Variants in HEATR5A observed in about 807,000 individuals in gnomAD.
The protein encoded by HEATR5A is HEAT repeat containing 5A, also known as HEAT repeat-containing protein 5A.
HEATR5A carries 178 observed loss-of-function variants against 218.8 expected under a neutral mutation model. The ratio of observed to expected loss-of-function variants is 0.81; its 90% CI spans 0.72 to 0.92. The LOEUF is 0.92. HEATR5A is among the 40% of genes least tolerant of loss of function. The pLI, the probability that HEATR5A is intolerant of heterozygous loss-of-function variation, is 0.00. For synonymous variants in HEATR5A, 864 were observed against 871.6 expected (o/e 0.99, Z 0.15); for missense variants, 2,420 against 2,418.9 (o/e 1.00, Z -0.01).
At chr14:31,417,286 G>A (rs2031482756) in intron 1 of HEATR5A, among the ~76,000 whole-genome samples, 1 of 152,144 alleles carries the variant, frequency 6.6e-6, no homozygotes, top group South Asian at 2.1e-4. Flanking sequence ...GTTGGCCGGG[G>A]CGGTGGCTCA....
At chr14:31,383,423 C>A in intron 10 of HEATR5A, 98 bp downstream of exon 10, 1 of 1,195,886 alleles carries the variant, frequency 8.4e-7, no homozygotes, top group Non-Finnish European at 1.2e-6. Context: ...GCTAGATGTA[C>A]AGCAAAATAA....
At chr14:31,365,469 T>C (rs1901767600) in intron 13 of HEATR5A, among the ~76,000 whole-genome samples, 1 of 152,102 alleles carries the variant, frequency 6.6e-6, no homozygotes, top group Admixed American at 6.5e-5. Context: ...CAAGTCATTT[T>C]CCTGCCTCAG....
intron 11 of HEATR5A, among the ~76,000 whole-genome samples, chr14:31,377,479 T>G (rs533676017): frequency 2.6e-5 from 4 of 152,034 alleles, no homozygotes; most frequent in African/African-American, 4.8e-5. Flanking sequence ...CTCTAAAAAT[T>G]GATAATAGCC....
chr14:31,312,054 G>C (rs1199998879), intron 28 of HEATR5A, among the ~76,000 whole-genome samples: 1 of 152,134 alleles, frequency 6.6e-6, no homozygotes. Flanking sequence ...GGTAACCAAA[G>C]GAACAGATGT....
chr14:31,380,950 T>G (rs927985948), intron 10 of HEATR5A, among the ~76,000 whole-genome samples: 2 of 152,168 alleles, frequency 1.3e-5, no homozygotes, highest in Admixed American at 6.6e-5. Context: ...AGTCTCTCTC[T>G]TAAAAATGCT....
rs755843937 is a variant in HEATR5A, at chr14:31,306,846, G to C, written c.4852C>G (p.Arg1618Gly). 1 of 1,612,938 alleles carries C rather than the reference G, an allele frequency of 6.2e-7. No homozygotes were observed. Among genetic ancestry groups the C allele is most frequent in the Non-Finnish European group, 8.5e-7 (1 of 1,179,228 alleles). ...LGIELLNVLH[R>G]VILTRESPSI... ...GGTGATTCTCTGGTTAAAATTACTC[G>C]ATGTAGAACATTCAGCAATTCTATA... The change falls in exon 31 of 36, where the codon CGA becomes GGA. Residue 1618 changes from arginine to glycine, a missense_variant. Coordinates refer to ENST00000543095, the MANE Select transcript of HEATR5A (RefSeq NM_015473.4).
chr14:31,334,391 G>C (rs1259761646), intron 22 of HEATR5A: 1 of 455,884 alleles, frequency 2.2e-6, no homozygotes, highest in South Asian at 1.6e-5. Flanking sequence ...AAACCTTCTG[G>C]AAAGGATTAT....
Position 31,321,594 on chromosome 14 carries a change from C to A in HEATR5A, c.3874G>T (p.Gly1292Cys), listed in dbSNP as rs1425366849. The A allele has an allele frequency of 2.5e-6, 4 of 1,608,998 alleles. No individual in the cohort carries two copies. The highest frequency in any genetic ancestry group is 2.7e-5 in the African/African-American group (2 of 74,736). ...TDHSDQLRLS[G>C]LEMLLVVIRR... is the part of the protein sequence containing the mutation. The stretch of plus-strand genomic sequence containing the variant: ...ATAACAACTAACAGCATTTCAAGGC[C>A]AGAAAGACGGAGCTGGTCACTGTGA... Residue 1292 changes from glycine (G) to cysteine (C), a missense_variant, in exon 25 of 36, where the codon GGC (glycine) becomes TGC (cysteine). Physicochemically the swap from Gly to Cys is radical, Grantham distance 159 (BLOSUM62 -3). Transcript: ENST00000543095.
At chr14:31,349,760 T>G in intron 18 of HEATR5A, 29 bp downstream of exon 18, 1 of 1,512,974 alleles carries the variant, frequency 6.6e-7, no homozygotes, top group South Asian at 1.1e-5. Context: ...AAACATAGCC[T>G]CTGAATATTA....
chr14:31,302,938 CAAAAAAA>C (rs747481722), intron 32 of HEATR5A, among the ~76,000 whole-genome samples: 8 of 102,206 alleles, frequency 7.8e-5, no homozygotes, highest in East Asian at 3.2e-4. Flanking sequence ...TTCATCTTTA[CAAAAAAA>C]AAAAAAAAAA....
At chr14:31,317,294 ATTTTTTTTTTTTT>A (rs35394095) in intron 26 of HEATR5A, among the ~76,000 whole-genome samples, 6 of 64,122 alleles carry the variant, frequency 9.4e-5, no homozygotes, top group South Asian at 1.1e-3. Flanking sequence ...CCCGGGCTAG[ATTTTTTTTTTTTT>A]TTTTTTTTTT....
chr14:31,367,332 T>G (rs1901839142), intron 13 of HEATR5A, among the ~76,000 whole-genome samples: 1 of 152,142 alleles, frequency 6.6e-6, no homozygotes, highest in Non-Finnish European at 1.5e-5. Flanking sequence ...TCAGAGGTAT[T>G]ATAAAACTAT....
intron 10 of HEATR5A, among the ~76,000 whole-genome samples, chr14:31,382,438 G>T (rs773051070): frequency 5.3e-5 from 8 of 152,136 alleles, no homozygotes; most frequent in Non-Finnish European, 1.2e-4. Flanking sequence ...AGGAATAATG[G>T]TGTATTTTTT....
intron 13 of HEATR5A, 92 bp downstream of exon 13, chr14:31,371,718 T>C: frequency 2.1e-6 from 1 of 480,118 alleles, no homozygotes; most frequent in Non-Finnish European, 3.6e-6. Flanking sequence ...CATAAAATCA[T>C]TCACCAACTA....
chr14:31,324,368 GTTACAC>G (rs1225682916), intron 23 of HEATR5A, among the ~76,000 whole-genome samples: 3 of 152,282 alleles, frequency 2.0e-5, no homozygotes, highest in Admixed American at 6.5e-5. Flanking sequence ...CTTATTAACT[GTTACAC>G]TTACAAACTG....
intron 6 of HEATR5A, among the ~76,000 whole-genome samples, chr14:31,390,442 GGTTA>G (rs1482899458): frequency 9.2e-5 from 14 of 152,102 alleles, no homozygotes; most frequent in African/African-American, 3.4e-4. Flanking sequence ...GGATCAAGGT[GGTTA>G]AAGTGAAGTG....
chr14:31,302,342 T>C lies in HEATR5A; in HGVS notation c.5417A>G (p.Asp1806Gly), dbSNP rs1452328705. The C allele has an allele frequency of 3.7e-6, 6 of 1,604,240 alleles. No individual in the cohort carries two copies. Among genetic ancestry groups the C allele is most frequent in the Non-Finnish European group, 5.1e-6 (6 of 1,175,370 alleles). The change falls in exon 33 of 36, where the codon GAC becomes GGC. Residue 1806 changes from aspartate (D) to glycine (G), a missense_variant. By Grantham distance (94) the Asp-to-Gly change is moderately conservative. Coordinates refer to ENST00000543095, the MANE Select transcript of HEATR5A (RefSeq NM_015473.4). The stretch of plus-strand genomic sequence containing the variant: ...TGTTGTTAAGGCACTTCGGAGAAGG[T>C]CAGTCCAAGCAGTACGGCTCTTTTC... ...RAEKSRTAWT[D>G]LLRSALTTIL...
intron 35 of HEATR5A, 39 bp from the exon 36 acceptor site, chr14:31,293,651 A>C (rs763534858): frequency 6.5e-7 from 1 of 1,530,548 alleles, no homozygotes; most frequent in South Asian, 1.3e-5. Context: ...AGTGACATAA[A>C]TGTTTCTAAC....
intron 10 of HEATR5A, 118 bp downstream of exon 10, chr14:31,383,403 A>T: frequency 2.2e-6 from 2 of 913,478 alleles, no homozygotes; most frequent in Non-Finnish European, 3.3e-6. Context: ...AAATGTACTT[A>T]TATGGCAGGG....
Sources: allele counts gnomAD v4.1 joint callset (sites outside exome capture counted in the v4.1 genomes callset), GRCh38; gene constraint gnomAD v4.1.1; transcripts MANE v1.5; gene names NCBI Gene and HGNC (gene_info 2026-07-23, HGNC 2026-07-21).